The following PARG variants were observed in gnomAD, a reference collection of about 807,000 sequenced individuals.
PARG encodes the protein mitochondrial poly(ADP-ribose) glycohydrolase.
PARG carries 35 observed loss-of-function variants against 113.0 expected under a neutral mutation model. The ratio of observed to expected loss-of-function variants is 0.31; its 90% CI spans 0.24 to 0.41. The LOEUF (loss-of-function observed/expected upper bound fraction) is 0.41, where lower values mean the gene tolerates loss of function less well. Among genes scored for constraint, PARG ranks in the 10% least tolerant of loss-of-function variants. The pLI is 1.00. For synonymous variants in PARG, 330 were observed against 409.9 expected (o/e 0.81, Z 2.36); for missense variants, 797 against 1,169.4 (o/e 0.68, Z 4.64).
At chr10:49,819,608 T>C in intron 17 of PARG, 114 bp from the exon 18 acceptor site, 1 of 740,304 alleles carries the variant, frequency 1.4e-6, no homozygotes, top group Non-Finnish European at 2.2e-6. Context: ...GACTTGGCTT[T>C]TGAAAATACA....
At position 49,941,567 on chromosome 10, in the gene PARG, G is replaced by A. The variant is rs1251702505; in HGVS notation, c.159C>T (p.Ser53=). 9.6e-6 allele frequency: 15 copies of A among 1,560,610 alleles called. No individual in the cohort carries two copies. The highest frequency in any genetic ancestry group is 1.9e-5 in the Admixed American group (1 of 52,214). ...CCCGCCCTGGGACGCAGGCTGGCGAGGACGGTGGGACCCTGAACTGCACGT... is the reference window on the plus strand; with the variant it reads ...CCCGCCCTGGGACGCAGGCTGGCGAAGACGGTGGGACCCTGAACTGCACGT... ...DAHVQFRVPP[S]SPACVPGRAG... The change falls in exon 1 of 18, where the codon TCC becomes TCT. Residue 53 remains serine, a synonymous_variant. Coordinates refer to ENST00000616448, the MANE Select transcript of PARG (RefSeq NM_003631.5).
chr10:49,926,816 T>A (rs530119266), intron 4 of PARG, among the ~76,000 whole-genome samples: 8 of 152,360 alleles, frequency 5.3e-5, no homozygotes, highest in African/African-American at 9.6e-5. Flanking sequence ...TCCTAGAATA[T>A]ATCTCTGCCT....
intron 7 of PARG, among the ~76,000 whole-genome samples, chr10:49,906,159 T>TTTTTTTTTTC (rs4012651): frequency 1.1e-4 from 16 of 142,190 alleles, no homozygotes; most frequent in Non-Finnish European, 2.0e-4. Context: ...TTTTTTTTTT[T>TTTTTTTTTTC]CCCAGTAGAA....
chr10:49,859,566 AC>A (rs1554835611), intron 12 of PARG, among the ~76,000 whole-genome samples: 2 of 152,198 alleles, frequency 1.3e-5, no homozygotes, highest in Non-Finnish European at 2.9e-5. Flanking sequence ...TGATATTGTG[AC>A]TACAAATGAG....
chr10:49,937,100 C>A (rs1249044448), intron 1 of PARG, among the ~76,000 whole-genome samples: 8 of 152,170 alleles, frequency 5.3e-5, no homozygotes, highest in African/African-American at 1.9e-4. Context: ...GAGGATAAAC[C>A]ATTTGATTCT....
intron 7 of PARG, among the ~76,000 whole-genome samples, chr10:49,915,116 A>G (rs1837396529): frequency 3.3e-5 from 5 of 151,940 alleles, no homozygotes; most frequent in Non-Finnish European, 7.4e-5. Flanking sequence ...AAAACAGAAG[A>G]AAAAAAATGA....
At chr10:49,823,654 A>G (rs1251760319) in intron 16 of PARG, among the ~76,000 whole-genome samples, 1 of 152,206 alleles carries the variant, frequency 6.6e-6, no homozygotes, top group African/African-American at 2.4e-5. Flanking sequence ...GGAACGAATG[A>G]ATCATCATCT....
At chr10:49,910,233 A>G (rs1164238646) in intron 7 of PARG, among the ~76,000 whole-genome samples, 1 of 152,104 alleles carries the variant, frequency 6.6e-6, no homozygotes, top group African/African-American at 2.4e-5. Flanking sequence ...AAGAGATGAT[A>G]GGAGAATGCG....
chr10:49,843,485 G>A (rs529691629), intron 14 of PARG, 69 bp downstream of exon 14: 3 of 873,236 alleles, frequency 3.4e-6, no homozygotes, highest in African/African-American at 1.7e-5. Context: ...CAGAATGAGA[G>A]TGTGTGAGGG....
intron 4 of PARG, among the ~76,000 whole-genome samples, chr10:49,931,614 A>G (rs1163346060): frequency 6.8e-6 from 1 of 147,874 alleles, no homozygotes; most frequent in Admixed American, 6.9e-5. Context: ...TCCCCAACCC[A>G]CCAAATTATC....
At chr10:49,861,057 G>T (rs1264745468) in intron 12 of PARG, among the ~76,000 whole-genome samples, 1 of 151,724 alleles carries the variant, frequency 6.6e-6, no homozygotes, top group East Asian at 1.9e-4. Flanking sequence ...ACAGGGAAAA[G>T]ACATAGCAAA....
Position 49,941,922 on chromosome 10 carries a change from A to G in PARG, c.-197T>C. Reference sequence around the variant, plus strand: ...AACACTCGCCTGCCTTCCCTCTTCCACTGGCACCCCACCTGCCTCAATGCG... The same window carrying G: ...AACACTCGCCTGCCTTCCCTCTTCCGCTGGCACCCCACCTGCCTCAATGCG... On this transcript the variant is annotated 5_prime_UTR_variant, in exon 1 of 18. Coordinates refer to ENST00000616448, the MANE Select transcript of PARG (RefSeq NM_003631.5). 1.9e-6 allele frequency: 2 copies of G among 1,054,332 alleles called. No homozygotes were observed. Among genetic ancestry groups the G allele is most frequent in the Non-Finnish European group, 2.8e-6 (2 of 702,468 alleles). The allele number at this position is 1,054,332 out of a possible 1,614,324, so 65.3% of individuals were successfully genotyped here.
intron 15 of PARG, among the ~76,000 whole-genome samples, chr10:49,833,837 T>C (rs1183032591): frequency 6.6e-6 from 1 of 152,134 alleles, no homozygotes; most frequent in Non-Finnish European, 1.5e-5. Context: ...TTACATATAA[T>C]AGCAAATACA....
intron 6 of PARG, among the ~76,000 whole-genome samples, chr10:49,921,736 C>T (rs1554849373): frequency 6.7e-6 from 1 of 148,352 alleles, no homozygotes; most frequent in Non-Finnish European, 1.5e-5. Context: ...CTATAGTGCC[C>T]CCAAATATAA....
chr10:49,883,867 C>CA (rs1409075484), intron 8 of PARG, among the ~76,000 whole-genome samples: 6 of 145,498 alleles, frequency 4.1e-5, no homozygotes, highest in Admixed American at 1.4e-4. Flanking sequence ...GGCTAGCTTC[C>CA]AATGAACAGA....
At chr10:49,919,059 G>A (rs1837655553) in intron 6 of PARG, among the ~76,000 whole-genome samples, 1 of 151,982 alleles carries the variant, frequency 6.6e-6, no homozygotes, top group Non-Finnish European at 1.5e-5. Context: ...TCCTGTCTCA[G>A]CCTCCTGAGT....
In PARG at chr10:49,885,276, G is replaced by A. The variant is rs1279775547; in HGVS notation, c.1757C>T (p.Ala586Val). The A allele has an allele frequency of 2.0e-5, 32 of 1,607,528 alleles. No individual in the cohort carries two copies. The highest frequency in any genetic ancestry group is 2.4e-5 in the Non-Finnish European group (28 of 1,175,964). ...CAAGATGGACTGATATAAATGTTGA[G>A]CTTCTGCTTCTTCAAGTACCTGAAA... ...FWDKVLEEAE[A>V]QHLYQSILPD... Residue 586 changes from alanine (A) to valine (V), a missense_variant, in exon 8 of 18, where the codon GCT becomes GTT. Physicochemically the swap from Ala to Val is moderately conservative, Grantham distance 64. Transcript: ENST00000616448.
chr10:49,859,188 A>G (rs1264798482), intron 12 of PARG, among the ~76,000 whole-genome samples: 2 of 145,972 alleles, frequency 1.4e-5, no homozygotes, highest in Non-Finnish European at 3.1e-5. Context: ...TATGAGGGGA[A>G]TGGTAAACAG....
At chr10:49,900,585 C>T (rs1386524198) in intron 7 of PARG, among the ~76,000 whole-genome samples, 1 of 152,176 alleles carries the variant, frequency 6.6e-6, no homozygotes, top group Non-Finnish European at 1.5e-5. Flanking sequence ...ACAATCATAT[C>T]TATTTTCATG....
Sources: allele counts gnomAD v4.1 joint callset (sites outside exome capture counted in the v4.1 genomes callset), GRCh38; gene constraint gnomAD v4.1.1; transcripts MANE v1.5; gene names NCBI Gene and HGNC (gene_info 2026-07-23, HGNC 2026-07-21).